HSPA12A: variants seen among roughly 807,000 people sequenced by gnomAD.
HSPA12A encodes heat shock protein family A (Hsp70) member 12A, also known as heat shock 70 kDa protein 12A.
HSPA12A carries 28 observed loss-of-function variants against 69.2 expected under a neutral mutation model. The observed-to-expected ratio is 0.40, with a 90% confidence interval of 0.30 to 0.55. The LOEUF is 0.55. HSPA12A is among the 20% of genes least tolerant of loss of function. HSPA12A has a pLI of 0.38. For missense variants in HSPA12A, 686 were observed against 900.7 expected, an observed-to-expected ratio of 0.76 and a Z score of 3.05; for synonymous variants, 345 against 370.5, an observed-to-expected ratio of 0.93 and a Z score of 0.79.
intron 5 of HSPA12A, among the ~76,000 whole-genome samples, chr10:116,694,958 T>A (rs1315019023): frequency 6.6e-6 from 1 of 151,988 alleles, no homozygotes; most frequent in Non-Finnish European, 1.5e-5. Flanking sequence ...CCCTCTCCCA[T>A]GCCTCAACCC....
At chr10:116,758,779 G>T (rs1554889023) in intron 2 of HSPA12A, among the ~76,000 whole-genome samples, 2 of 152,130 alleles carry the variant, frequency 1.3e-5, no homozygotes. Flanking sequence ...CAAGTTTTTT[G>T]AAGAATTAGA....
chr10:116,697,813 TC>T (rs1216524251), intron 5 of HSPA12A, among the ~76,000 whole-genome samples: 2 of 152,072 alleles, frequency 1.3e-5, no homozygotes, highest in Non-Finnish European at 2.9e-5. Context: ...GAAACTCATA[TC>T]CTTCAGCAGT....
chr10:116,713,624 G>A (rs1257846355), intron 1 of HSPA12A, among the ~76,000 whole-genome samples: 2 of 152,078 alleles, frequency 1.3e-5, no homozygotes, highest in African/African-American at 2.4e-5. Flanking sequence ...GAAAAGCCCC[G>A]AGTCCCTGCA....
chr10:116,677,124 C>T (rs150201572), intron 10 of HSPA12A, among the ~76,000 whole-genome samples: 15 of 152,298 alleles, frequency 9.8e-5, no homozygotes, highest in Non-Finnish European at 1.9e-4. Context: ...CCAGTCTCCA[C>T]GTCTGGAAGT....
chr10:116,724,098 A>G (rs2133032443), intron 1 of HSPA12A, among the ~76,000 whole-genome samples: 1 of 152,260 alleles, frequency 6.6e-6, no homozygotes, highest in East Asian at 1.9e-4. Context: ...GGCCCAGCCT[A>G]TCTTGCTTCC....
intron 2 of HSPA12A, among the ~76,000 whole-genome samples, chr10:116,747,828 G>C (rs550565088): frequency 6.6e-6 from 1 of 151,694 alleles, no homozygotes; most frequent in African/African-American, 2.4e-5. Context: ...GTGAAACCCC[G>C]TCTCTACTAA....
At chr10:116,801,872 G>A (rs991058789) in intron 2 of HSPA12A, among the ~76,000 whole-genome samples, 23 of 152,098 alleles carry the variant, frequency 1.5e-4, no homozygotes, top group Admixed American at 2.6e-4. Flanking sequence ...TCTGGGGGAC[G>A]CTGGGTGAAG....
At chr10:116,746,380 C>G (rs144300506), upstream of HSPA12A, among the ~76,000 whole-genome samples, 275 of 152,304 alleles carry the variant, frequency 1.8e-3, 2 homozygotes, top group African/African-American at 6.1e-3. Context: ...GCCCCCAGCT[C>G]AGAAGAAACT....
intron 1 of HSPA12A, among the ~76,000 whole-genome samples, chr10:116,844,517 TG>T (rs1187373546): frequency 6.6e-6 from 1 of 152,252 alleles, no homozygotes; most frequent in East Asian, 1.9e-4. Context: ...GGAAGGTTAA[TG>T]TTATTATTCT....
At chr10:116,777,118 G>A (rs924560364) in intron 2 of HSPA12A, among the ~76,000 whole-genome samples, 1 of 152,190 alleles carries the variant, frequency 6.6e-6, no homozygotes, top group Non-Finnish European at 1.5e-5. Context: ...CTGGAGGGGC[G>A]CTGAGCTGCA....
In HSPA12A at chr10:116,797,748, G is replaced by A. The variant is rs79128438; in HGVS notation, c.91+37187C>T. ...GCGTCAACTGCTGAGAGCTGTGTAC[G>A]TGGCTCTGTGAGGGGCAGGGATGAA... is the stretch of plus-strand genomic sequence containing the variant. On this transcript the variant is annotated intron_variant, in intron 2 of 12. Coordinates refer to the HSPA12A transcript ENST00000635765. Among the ~76,000 whole-genome samples the A allele has an allele frequency of 1.4e-4, 21 of 152,274 alleles. No individual in the cohort carries two copies. In the East Asian group the frequency reaches 3.5e-3, roughly 25 times the overall value.
At chr10:116,822,513 T>A (rs1195337354) in intron 2 of HSPA12A, among the ~76,000 whole-genome samples, 1 of 152,122 alleles carries the variant, frequency 6.6e-6, no homozygotes, top group African/African-American at 2.4e-5. Context: ...CCGGTAGAAA[T>A]GAGGGAGATC....
At chr10:116,722,513 G>A (rs921840519) in intron 1 of HSPA12A, among the ~76,000 whole-genome samples, 4 of 152,114 alleles carry the variant, frequency 2.6e-5, no homozygotes, top group African/African-American at 9.7e-5. Flanking sequence ...AGAGTTCCAG[G>A]AGCTGACCCT....
In HSPA12A at chr10:116,705,134, C is replaced by T; in HGVS notation, c.254+17G>A. 6.2e-7 allele frequency: 1 copy of T among 1,613,654 alleles called. No homozygotes were observed. Among genetic ancestry groups the T allele is most frequent in the Non-Finnish European group, 8.5e-7 (1 of 1,179,664 alleles). ...GGTTGGCACCAGCCACGTGGCCCTC[C>T]CACCCACAGCACTCACCTCATCACA... On this transcript the variant is annotated intron_variant, in intron 3 of 11. Coordinates refer to ENST00000369209, the MANE Select transcript of HSPA12A (RefSeq NM_025015.3).
intron 1 of HSPA12A, chr10:116,849,381 G>T: frequency 1.4e-6 from 1 of 736,294 alleles, no homozygotes; most frequent in Non-Finnish European, 1.9e-6. Flanking sequence ...AGGGAGAAAA[G>T]ACAGAGCAGC....
chr10:116,685,176 C>T (rs1416250932), intron 6 of HSPA12A, among the ~76,000 whole-genome samples: 7 of 152,162 alleles, frequency 4.6e-5, no homozygotes, highest in African/African-American at 1.2e-4. Context: ...CTGTATCAGA[C>T]CCCTGGGGTT....
upstream of HSPA12A, among the ~76,000 whole-genome samples, chr10:116,745,111 C>CT (rs1851619658): frequency 6.6e-6 from 1 of 152,214 alleles, no homozygotes; most frequent in Admixed American, 6.5e-5. Flanking sequence ...CCAGAACACT[C>CT]TATCTAAAAC....
intron 2 of HSPA12A, among the ~76,000 whole-genome samples, chr10:116,767,079 C>T (rs768615500): frequency 7.9e-5 from 12 of 152,108 alleles, no homozygotes; most frequent in Non-Finnish European, 1.8e-4. Context: ...TGGAGGGCTG[C>T]AGGCCTCTGG....
chr10:116,797,052 C>G (rs2133161698), intron 2 of HSPA12A, among the ~76,000 whole-genome samples: 1 of 152,258 alleles, frequency 6.6e-6, no homozygotes, highest in Admixed American at 6.5e-5. Context: ...TGAACCCCAC[C>G]AGGATGTGAT....
Sources: gnomAD v4.1 joint callset for allele counts (sites outside exome capture counted in the v4.1 genomes callset) on GRCh38, gnomAD v4.1.1 for gene constraint, MANE v1.5 for transcripts, NCBI Gene and HGNC (gene_info 2026-07-23, HGNC 2026-07-21) for gene names.